The following PRCD variants were observed in gnomAD, a reference collection of about 807,000 sequenced individuals.
PRCD encodes the protein photoreceptor disc component.
A neutral mutation model predicts 10.1 loss-of-function variants in PRCD; 12 were observed. That is an observed-to-expected ratio of 1.18 (90% CI 0.76 to 1.92). The LOEUF is 1.92. Ranked by LOEUF, PRCD falls within the 40% of genes most tolerant of loss-of-function variation. PRCD has a pLI of 0.00. For synonymous variants in PRCD, 31 were observed against 26.2 expected (o/e 1.18, Z -0.56); for missense variants, 61 against 72.2 (o/e 0.84, Z 0.56).
chr17:76,528,126 A>G lies in PRCD; in HGVS notation n.45+293A>G. ...ATTCTAGATATGTATGTGTGTATAT[A>G]TATATGTATATATATATTTATATAT... is the stretch of plus-strand genomic sequence containing the variant. On this transcript the variant is annotated intron_variant and non_coding_transcript_variant, in intron 1 of 4. Transcript: ENST00000397633. The surrounding 1 kb of genome is among the most constrained non-coding windows in gnomAD (Gnocchi z 5.8). 1 of 319,486 alleles carries G rather than the reference A, an allele frequency of 3.1e-6. No individual in the cohort carries two copies. The highest frequency in any genetic ancestry group is 5.5e-6 in the Non-Finnish European group (1 of 180,596). 19.8% of individuals were successfully genotyped at this position (319,486 alleles called of 1,614,324 possible).
chr17:76,552,510 A>G (rs2075117398), intron 1 of PRCD, among the ~76,000 whole-genome samples: 1 of 151,944 alleles, frequency 6.6e-6, no homozygotes, highest in South Asian at 2.1e-4. Flanking sequence ...AAAATCTCAC[A>G]TTTTGTAATT....
At chr17:76,537,360 C>T (rs1299919601), upstream of PRCD, 1 of 1,551,562 alleles carries the variant, frequency 6.4e-7, no homozygotes, top group Admixed American at 1.9e-5. Context: ...CCGCTGCCGC[C>T]CTCCCTGCCC....
upstream of PRCD, among the ~76,000 whole-genome samples, chr17:76,539,183 G>A (rs1407132961): frequency 6.6e-6 from 1 of 152,200 alleles, no homozygotes; most frequent in Non-Finnish European, 1.5e-5. Flanking sequence ...ATGTCTCAGC[G>A]TGGCCATGGC....
chr17:76,549,076 G>C (rs1011443468), downstream of PRCD, among the ~76,000 whole-genome samples: 1 of 152,100 alleles, frequency 6.6e-6, no homozygotes, highest in African/African-American at 2.4e-5. Context: ...GAGAAAGAAA[G>C]GTCCTTTCAA....
chr17:76,543,127 C>T lies in PRCD; in HGVS notation c.*152+6C>T, dbSNP rs755225304. The T allele has an allele frequency of 7.2e-5, 34 of 470,572 alleles. No homozygotes were observed. The East Asian group carries it at 7.6e-4, about 11-fold the overall frequency. 29.1% of individuals were successfully genotyped at this position (470,572 alleles called of 1,614,324 possible). On this transcript the variant is annotated splice_donor_region_variant and intron_variant, in intron 4 of 4. Coordinates refer to ENST00000592014, the MANE Select transcript of PRCD (RefSeq NM_001077620.3). ...GGGAAGCAGCACTAGAGAAGGTAGA[C>T]GCCTCCCTCTCAGCCCGGGACCTGC...
At chr17:76,537,551 C>T, upstream of PRCD, 1 of 1,439,874 alleles carries the variant, frequency 6.9e-7, no homozygotes, top group Non-Finnish European at 9.2e-7. Flanking sequence ...ATGAGCAGCT[C>T]CAAGCCCAGC....
In PRCD at chr17:76,530,873, C is replaced by T. The variant is rs1021859382; in HGVS notation, n.45+3040C>T. 1 of 1,322,860 alleles carries T rather than the reference C, an allele frequency of 7.6e-7. No homozygotes were observed. The highest frequency in any genetic ancestry group is 1.5e-5 in the African/African-American group (1 of 67,294). The allele number at this position is 1,322,860 out of a possible 1,614,324, so 81.9% of individuals were successfully genotyped here. On this transcript the variant is annotated intron_variant and non_coding_transcript_variant, in intron 1 of 4. Coordinates refer to the PRCD transcript ENST00000397633. The surrounding 1 kb of genome is among the most constrained non-coding windows in gnomAD (Gnocchi z 6.1). Reference sequence around the variant, plus strand: ...CAGGGTTGGCCTGCCTCAAGTGTGCCTGCCCAGGTGATCAGCCCCAGGGCC... The same window carrying T: ...CAGGGTTGGCCTGCCTCAAGTGTGCTTGCCCAGGTGATCAGCCCCAGGGCC...
At chr17:76,547,648 CA>C (rs2075064820), downstream of PRCD, among the ~76,000 whole-genome samples, 1 of 70,988 alleles carries the variant, frequency 1.4e-5, no homozygotes, top group Non-Finnish European at 2.5e-5. Flanking sequence ...CACATTCACA[CA>C]CACACACACA....
exon 2 of PRCD, chr17:76,553,523 C>T (rs1021334436): frequency 2.0e-5 from 3 of 152,208 alleles, no homozygotes; most frequent in Admixed American, 6.5e-5. Context: ...ATACTACCTA[C>T]CTTCTTTTGT....
Position 76,540,050 on chromosome 17 carries a change from CA to C in PRCD, c.-91del, listed in dbSNP as rs1598210922. ...CCAGCAGGAACCGCAGGACAGACGGCAGTGGCTCCTGAGAGCTGGCTGGGGC... is the reference window on the plus strand; with the variant it reads ...CCAGCAGGAACCGCAGGACAGACGGCGTGGCTCCTGAGAGCTGGCTGGGGC... On this transcript the variant is annotated 5_prime_UTR_variant, in exon 1 of 5. Transcript: ENST00000592014. The surrounding 1 kb of genome is among the most constrained non-coding windows in gnomAD (Gnocchi z 5.0). The C allele has an allele frequency of 1.5e-6, 2 of 1,319,084 alleles. No individual in the cohort carries two copies. The highest frequency in any genetic ancestry group is 1.1e-6 in the Non-Finnish European group (1 of 935,632). The allele number at this position is 1,319,084 out of a possible 1,614,324, so 81.7% of individuals were successfully genotyped here.
At chr17:76,537,283 G>T, upstream of PRCD, 2 of 1,200,488 alleles carry the variant, frequency 1.7e-6, no homozygotes, top group Non-Finnish European at 2.2e-6. Context: ...CCTCGGACCG[G>T]CCCCATTCGC....
chr17:76,542,888 C>T (rs927534126), intron 3 of PRCD, 141 bp from the exon 4 acceptor site: 4 of 591,758 alleles, frequency 6.8e-6, no homozygotes, highest in African/African-American at 3.7e-5. Flanking sequence ...TTGGGGATGG[C>T]GAGGTGGTCG....
upstream of PRCD, chr17:76,538,568 G>T (rs9914222): frequency 0.2 from 93,751 of 462,442 alleles, 10,536 homozygotes; most frequent in South Asian, 0.33. Flanking sequence ...GTCCAGAGAG[G>T]CACCGGATAG....
Position 76,528,725 on chromosome 17 carries a change from G to A in PRCD, n.45+892G>A. On this transcript the variant is annotated intron_variant and non_coding_transcript_variant, in intron 1 of 4. Transcript: ENST00000397633. The surrounding 1 kb of genome is among the most constrained non-coding windows in gnomAD (Gnocchi z 5.8). ...GGCTCACTTCCTGCCAAGAGATCCG[G>A]CACAGTGCAGTTGAAAGCAACCGTG... is the stretch of plus-strand genomic sequence containing the variant. The A allele has an allele frequency of 9.1e-7, 1 of 1,097,002 alleles. No homozygotes were observed. 68.0% of individuals were successfully genotyped at this position (1,097,002 alleles called of 1,614,324 possible).
Position 76,540,579 on chromosome 17 carries a change from G to A in PRCD, c.143+6G>A. The A allele has an allele frequency of 1.2e-6, 2 of 1,613,168 alleles. No homozygotes were observed. Among genetic ancestry groups the A allele is most frequent in the South Asian group, 2.2e-5 (2 of 91,066 alleles). ...GACCCTCAGTCCTCAGGCAGGTAAG[G>A]CAGGAGTCTGGGCTGGGGGAGGGAG... On this transcript the variant is annotated splice_donor_region_variant and intron_variant, in intron 2 of 4. Transcript: ENST00000592014. This position sits in a 1 kb window ranked among gnomAD's most constrained non-coding sequence, Gnocchi z 5.0.
chr17:76,552,258 G>A (rs892954602), intron 1 of PRCD: 2 of 151,896 alleles, frequency 1.3e-5, no homozygotes, highest in South Asian at 2.1e-4. Context: ...GCAGTGGTAC[G>A]ATCTCCACTC....
intron 1 of PRCD, among the ~76,000 whole-genome samples, chr17:76,534,178 T>TCTCTCTCTCTCTCTC (rs1567907880): frequency 3.1e-5 from 2 of 63,960 alleles, no homozygotes; most frequent in Non-Finnish European, 7.8e-5. Context: ...CTCTCTCTCT[T>TCTCTCTCTCTCTCTC]TCTTTCTTTC....
chr17:76,539,703 A>G (rs1226439088), upstream of PRCD, among the ~76,000 whole-genome samples: 6 of 152,228 alleles, frequency 3.9e-5, no homozygotes, highest in Non-Finnish European at 7.3e-5. Flanking sequence ...TGCCTTGTGC[A>G]CTGCAAATTC....
chr17:76,544,118 C>T lies in PRCD; in HGVS notation c.*468C>T, dbSNP rs773623861. The T allele has an allele frequency of 2.2e-6, 1 of 454,584 alleles. No individual in the cohort carries two copies. Among genetic ancestry groups the T allele is most frequent in the South Asian group, 1.6e-5 (1 of 64,492 alleles). The allele number at this position is 454,584 out of a possible 1,614,324, so 28.2% of individuals were successfully genotyped here. A position where few individuals can be genotyped will look rare whatever the true frequency, so the allele number is the denominator to read the frequency against. On this transcript the variant is annotated 3_prime_UTR_variant, in exon 5 of 5. Coordinates refer to ENST00000592014, the MANE Select transcript of PRCD (RefSeq NM_001077620.3). ...GAGCAGAGATAAAAGCAGATTTCCG[C>T]TTCTGCTCCCAGATCCAGGAGCAGA...
Sources: gnomAD v4.1 joint callset for allele counts (sites outside exome capture counted in the v4.1 genomes callset) on GRCh38, gnomAD v4.1.1 for gene constraint, Gnocchi (gnomAD v3.1) non-coding constraint, MANE v1.5 for transcripts, NCBI Gene and HGNC (gene_info 2026-07-23, HGNC 2026-07-21) for gene names.